Variants in CDH12 observed in about 807,000 individuals in gnomAD.
The protein encoded by CDH12 is cadherin-12.
A neutral mutation model predicts 74.1 loss-of-function variants in CDH12; 41 were observed. The observed-to-expected ratio is 0.55, with a 90% CI of 0.43 to 0.72. The LOEUF is 0.72. CDH12 is among the 30% of genes least tolerant of loss of function. The probability of loss-of-function intolerance (pLI) is 0.00; values close to 1 mark genes in which losing one functional copy is unlikely to be tolerated. For missense variants in CDH12, 945 were observed against 977.2 expected (o/e 0.97, Z 0.44); for synonymous variants, 399 against 355.0 (o/e 1.12, Z -1.39).
intron 1 of CDH12, among the ~76,000 whole-genome samples, chr5:22,662,596 A>G (rs562804460): frequency 6.6e-6 from 1 of 152,362 alleles, no homozygotes; most frequent in Admixed American, 6.5e-5. Flanking sequence ...ACTTATCTAC[A>G]TTAACACTTC....
In CDH12 at chr5:22,333,930, C is replaced by T. The variant is rs143060667; in HGVS notation, c.-333+71327G>A. The stretch of plus-strand genomic sequence containing the variant: ...TGAAAAAGAATTAAAGTTCAACATC[C>T]TGTAATGACAAAAACCCTTTAAAAA... On this transcript the variant is annotated intron_variant, in intron 3 of 14. Transcript: ENST00000382254. 2.0e-5 allele frequency among the ~76,000 whole-genome samples: 3 copies of T among 152,216 alleles called. No homozygotes were observed. The East Asian group carries it at 5.8e-4, about 29-fold the overall frequency.
At chr5:22,644,717 C>A (rs1005361987) in intron 1 of CDH12, among the ~76,000 whole-genome samples, 2 of 151,440 alleles carry the variant, frequency 1.3e-5, no homozygotes, top group African/African-American at 4.9e-5. Flanking sequence ...GAAGAAGATG[C>A]CTTTTAGGAT....
intron 3 of CDH12, among the ~76,000 whole-genome samples, chr5:22,273,260 C>T (rs1736484265): frequency 1.3e-5 from 2 of 152,070 alleles, no homozygotes; most frequent in South Asian, 2.1e-4. Context: ...ATAATGAAGA[C>T]ATTAAAAGTA....
chr5:22,649,653 T>C (rs1739627716), intron 1 of CDH12, among the ~76,000 whole-genome samples: 1 of 152,060 alleles, frequency 6.6e-6, no homozygotes, highest in Admixed American at 6.6e-5. Flanking sequence ...CAAAAATGCC[T>C]ATCCTTATTT....
In CDH12 at chr5:22,465,057, G is replaced by C. The variant is rs533692712; in HGVS notation, c.-428+40213C>G. 2.2e-4 allele frequency among the ~76,000 whole-genome samples: 26 copies of C among 117,438 alleles called. 1 individual carries two copies. The East Asian group carries it at 5.6e-3, about 25-fold the overall frequency. 77.0% of individuals were successfully genotyped at this position (117,438 alleles called of 152,430 possible). ...GGAGGGGGGGAAGGGAGGAAGGGAG[G>C]GGGGGAAAGAGAGAGAGAGAGAACT... On this transcript the variant is annotated intron_variant, in intron 2 of 14. Transcript: ENST00000382254.
intron 6 of CDH12, among the ~76,000 whole-genome samples, chr5:21,919,606 T>C (rs2150070713): frequency 6.6e-6 from 1 of 152,286 alleles, no homozygotes; most frequent in African/African-American, 2.4e-5. Context: ...CGTGCAGTAT[T>C]TATTCTGACC....
chr5:21,961,995 C>T (rs1349786648), intron 6 of CDH12, among the ~76,000 whole-genome samples: 2 of 152,116 alleles, frequency 1.3e-5, no homozygotes, highest in Admixed American at 1.3e-4. Flanking sequence ...TTTCTTTCTT[C>T]ACCAGTTCAG....
intron 6 of CDH12, among the ~76,000 whole-genome samples, chr5:21,905,439 G>A (rs964783746): frequency 6.6e-6 from 1 of 152,224 alleles, no homozygotes; most frequent in African/African-American, 2.4e-5. Flanking sequence ...AGGCAAAAAT[G>A]ACTGTCTTTG....
chr5:21,888,657 G>A (rs942812962), intron 6 of CDH12, among the ~76,000 whole-genome samples: 5 of 151,894 alleles, frequency 3.3e-5, no homozygotes, highest in African/African-American at 1.2e-4. Flanking sequence ...CAAACATGTG[G>A]GAGGTATTTG....
At chr5:22,711,482 A>G (rs1743285064) in intron 1 of CDH12, among the ~76,000 whole-genome samples, 1 of 152,076 alleles carries the variant, frequency 6.6e-6, no homozygotes, top group African/African-American at 2.4e-5. Context: ...CTAAGAAACA[A>G]AGGTCATCAT....
At chr5:22,779,927 C>A (rs1385612942) in intron 1 of CDH12, among the ~76,000 whole-genome samples, 2 of 152,130 alleles carry the variant, frequency 1.3e-5, no homozygotes, top group African/African-American at 4.8e-5. Context: ...TCCCTAGTTC[C>A]TCACACAGAA....
intron 3 of CDH12, among the ~76,000 whole-genome samples, chr5:22,234,601 G>T (rs1388760266): frequency 2.2e-5 from 3 of 136,408 alleles, no homozygotes; most frequent in African/African-American, 7.6e-5. Context: ...TTTTTCAGCA[G>T]CATGAAAATG....
At chr5:22,165,755 T>C (rs1748647622) in intron 4 of CDH12, among the ~76,000 whole-genome samples, 1 of 152,112 alleles carries the variant, frequency 6.6e-6, no homozygotes, top group African/African-American at 2.4e-5. Context: ...TAAAACAGAC[T>C]GCAGTAAAGA....
At chr5:22,394,563 A>G (rs1269038798) in intron 3 of CDH12, among the ~76,000 whole-genome samples, 1 of 152,150 alleles carries the variant, frequency 6.6e-6, no homozygotes. Flanking sequence ...TCAGGCCAAG[A>G]GAAAGGAGCT....
intron 2 of CDH12, among the ~76,000 whole-genome samples, chr5:22,479,119 C>A (rs1342095654): frequency 2.0e-5 from 3 of 152,160 alleles, no homozygotes; most frequent in Non-Finnish European, 4.4e-5. Context: ...AGCAGGTCTG[C>A]CCTGCTATTA....
intron 2 of CDH12, among the ~76,000 whole-genome samples, chr5:22,410,001 AT>A (rs1165677499): frequency 2.0e-5 from 3 of 152,078 alleles, no homozygotes; most frequent in African/African-American, 4.8e-5. Context: ...AATACAAATT[AT>A]TTTTTATTAC....
chr5:22,431,117 T>C (rs1015152781), intron 2 of CDH12, among the ~76,000 whole-genome samples: 2 of 152,202 alleles, frequency 1.3e-5, no homozygotes, highest in African/African-American at 4.8e-5. Flanking sequence ...TTGTTTTCAA[T>C]TGCGTCATCC....
intron 4 of CDH12, among the ~76,000 whole-genome samples, chr5:22,152,616 A>C (rs529134786): frequency 6.6e-6 from 1 of 152,340 alleles, no homozygotes; most frequent in Non-Finnish European, 1.5e-5. Context: ...TCACATATTT[A>C]CTTTTGTGGT....
intron 7 of CDH12, among the ~76,000 whole-genome samples, chr5:21,853,741 C>T (rs1315916829): frequency 1.3e-5 from 2 of 151,604 alleles, no homozygotes; most frequent in Non-Finnish European, 3.0e-5. Flanking sequence ...ACGTATACTT[C>T]TCAAATGCAT....
Sources: allele counts gnomAD v4.1 joint callset (sites outside exome capture counted in the v4.1 genomes callset), GRCh38; gene constraint gnomAD v4.1.1; transcripts MANE v1.5; gene names NCBI Gene and HGNC (gene_info 2026-07-23, HGNC 2026-07-21).